Variants in ZNF487 observed in about 807,000 individuals in gnomAD.
ZNF487 encodes KRAB domain only 1.
A neutral mutation model predicts 3.0 loss-of-function variants in ZNF487; 4 were observed. The observed-to-expected ratio is 1.35, with a 90% confidence interval of 0.66 to 3.08. The LOEUF (loss-of-function observed/expected upper bound fraction) is 3.08. Among genes scored for constraint, ZNF487 ranks in the 30% most tolerant of loss-of-function variants. ZNF487 has a pLI of 0.01. For synonymous variants in ZNF487, 55 were observed against 34.6 expected (o/e 1.59, Z -2.06); for missense variants, 146 against 98.7 (o/e 1.48, Z -2.03).
chr10:43,445,831 C>T (rs1283881074), intron 1 of ZNF487, among the ~76,000 whole-genome samples: 1 of 152,124 alleles, frequency 6.6e-6, no homozygotes, highest in Non-Finnish European at 1.5e-5. Context: ...CTGCGGCCTT[C>T]CGCAGTGTTT....
At chr10:43,449,794 C>T (rs1476762798) in intron 1 of ZNF487, among the ~76,000 whole-genome samples, 1 of 150,780 alleles carries the variant, frequency 6.6e-6, no homozygotes, top group Non-Finnish European at 1.5e-5. Context: ...ATTTTCCTGC[C>T]TCAGCCTCCC....
intron 1 of ZNF487, among the ~76,000 whole-genome samples, chr10:43,451,120 A>G (rs1839992911): frequency 6.6e-6 from 1 of 151,612 alleles, no homozygotes; most frequent in Non-Finnish European, 1.5e-5. Context: ...CTAATTTTGT[A>G]TTTTTAGTAG....
intron 1 of ZNF487, among the ~76,000 whole-genome samples, chr10:43,468,681 A>C (rs1354514771): frequency 7.8e-6 from 1 of 128,646 alleles, no homozygotes; most frequent in African/African-American, 3.2e-5. Context: ...CTCTGTCTCA[A>C]AAAAAAAAAA....
the ZNF487 span, among the ~76,000 whole-genome samples, chr10:43,497,733 C>G: frequency 6.6e-6 from 1 of 151,704 alleles, no homozygotes; most frequent in African/African-American, 2.4e-5. Flanking sequence ...TTTGGGAGGC[C>G]GAGGCGGGAA....
chr10:43,522,037 A>C, the ZNF487 span, among the ~76,000 whole-genome samples: 22 of 152,222 alleles, frequency 1.4e-4, no homozygotes, highest in Non-Finnish European at 2.8e-4. Flanking sequence ...GAAAATGAAG[A>C]TACAACAGCA....
chr10:43,463,694 A>G (rs1345489510), intron 1 of ZNF487, among the ~76,000 whole-genome samples: 1 of 134,028 alleles, frequency 7.5e-6, no homozygotes, highest in East Asian at 2.2e-4. Flanking sequence ...CTAGCCTCAC[A>G]ACTGTTTTTC....
intron 1 of ZNF487, among the ~76,000 whole-genome samples, chr10:43,456,346 C>T (rs1840201288): frequency 6.6e-6 from 1 of 152,184 alleles, no homozygotes; most frequent in African/African-American, 2.4e-5. Flanking sequence ...AGTTTCACAG[C>T]AGCGGAAGAC....
the ZNF487 span, among the ~76,000 whole-genome samples, chr10:43,519,469 GTT>G: frequency 1.4e-5 from 2 of 140,154 alleles, no homozygotes; most frequent in Non-Finnish European, 1.6e-5. Context: ...TAAAATGTAA[GTT>G]TTTTTTTTTT....
chr10:43,465,606 C>G (rs551428610), intron 1 of ZNF487, among the ~76,000 whole-genome samples: 1 of 151,748 alleles, frequency 6.6e-6, no homozygotes, highest in Admixed American at 6.6e-5. Flanking sequence ...CGGGCAGAGA[C>G]GCTCCTCACT....
At chr10:43,446,532 G>T (rs1397748131) in intron 1 of ZNF487, among the ~76,000 whole-genome samples, 1 of 151,054 alleles carries the variant, frequency 6.6e-6, no homozygotes, top group Non-Finnish European at 1.5e-5. Flanking sequence ...TGGCGGCCGG[G>T]TAGAGATGCT....
At chr10:43,438,543 G>A (rs765869881) in intron 1 of ZNF487, among the ~76,000 whole-genome samples, 1 of 152,128 alleles carries the variant, frequency 6.6e-6, no homozygotes, top group Non-Finnish European at 1.5e-5. Flanking sequence ...AAATGGTACA[G>A]CAGCTATGGA....
chr10:43,505,496 G>A, the ZNF487 span, among the ~76,000 whole-genome samples: 2 of 151,612 alleles, frequency 1.3e-5, no homozygotes, highest in African/African-American at 4.8e-5. Flanking sequence ...TGTTAGTCAG[G>A]CTGGTCTTGA....
chr10:43,501,788 C>CTTTT, the ZNF487 span, among the ~76,000 whole-genome samples: 3 of 148,218 alleles, frequency 2.0e-5, no homozygotes, highest in Non-Finnish European at 1.5e-5. Flanking sequence ...TTTAACTTTC[C>CTTTT]TTTTTTTTTT....
the ZNF487 span, among the ~76,000 whole-genome samples, chr10:43,493,867 A>T: frequency 6.6e-6 from 1 of 150,848 alleles, no homozygotes; most frequent in Non-Finnish European, 1.5e-5. Flanking sequence ...ATGCACTGGT[A>T]ATAAAAAGCT....
At chr10:43,470,636 C>T (rs186310752) in intron 1 of ZNF487, among the ~76,000 whole-genome samples, 155 of 151,994 alleles carry the variant, frequency 1.0e-3, no homozygotes, top group African/African-American at 3.7e-3. Flanking sequence ...CCACCTGCCT[C>T]GGCCTTCCAA....
At chr10:43,454,573 A>G (rs1840109594) in intron 1 of ZNF487, 1 of 152,224 alleles carries the variant, frequency 6.6e-6, no homozygotes, top group Non-Finnish European at 1.5e-5. Flanking sequence ...CAAGTAATGC[A>G]AAAATTTAGT....
chr10:43,453,283 C>T (rs1194478150), intron 1 of ZNF487: 3 of 152,264 alleles, frequency 2.0e-5, no homozygotes, highest in East Asian at 1.9e-4. Context: ...CATACACATA[C>T]ACAACATGTG....
At chr10:43,448,090 C>T (rs919424069) in intron 1 of ZNF487, among the ~76,000 whole-genome samples, 7 of 147,848 alleles carry the variant, frequency 4.7e-5, no homozygotes, top group African/African-American at 7.4e-5. Flanking sequence ...CCCGGGTTCA[C>T]GCTATTCTCC....
At chr10:43,445,077 T>C in intron 1 of ZNF487, among the ~76,000 whole-genome samples, 1 of 152,056 alleles carries the variant, frequency 6.6e-6, no homozygotes, top group African/African-American at 2.4e-5. Flanking sequence ...TCAGTAATCT[T>C]TTCTTCTGTA....
Sources: allele counts gnomAD v4.1 joint callset (sites outside exome capture counted in the v4.1 genomes callset), GRCh38; gene constraint gnomAD v4.1.1; transcripts MANE v1.5; gene names NCBI Gene and HGNC (gene_info 2026-07-23, HGNC 2026-07-21).